The following OSBPL9 variants were observed in gnomAD, a reference collection of about 807,000 sequenced individuals.
OSBPL9 encodes oxysterol binding protein like 9, also known as oxysterol-binding protein-related protein 9.
In OSBPL9, 40 loss-of-function variants were observed where a neutral mutation model predicts 106.6. That is an observed-to-expected ratio of 0.38 (90% CI 0.29 to 0.49). The LOEUF (loss-of-function observed/expected upper bound fraction) is 0.49, where lower values mean the gene tolerates loss of function less well. Among genes scored for constraint, OSBPL9 ranks in the 20% least tolerant of loss-of-function variants. The probability of loss-of-function intolerance (pLI) is 0.97; values close to 1 mark genes in which losing one functional copy is unlikely to be tolerated. For missense variants in OSBPL9, 609 were observed against 887.2 expected (o/e 0.69, Z 3.98); for synonymous variants, 269 against 295.4 (o/e 0.91, Z 0.92).
the OSBPL9 span, among the ~76,000 whole-genome samples, chr1:51,556,313 G>C: frequency 6.6e-6 from 1 of 152,152 alleles, no homozygotes; most frequent in Non-Finnish European, 1.5e-5. Context: ...TTTGCAGTAA[G>C]TTAAATAAAT....
chr1:51,598,405 C>A (rs780967874), intron 2 of OSBPL9, among the ~76,000 whole-genome samples: 33 of 152,202 alleles, frequency 2.2e-4, no homozygotes, highest in Non-Finnish European at 4.4e-5. Context: ...CAGAGTTTTT[C>A]AATATCAGCA....
At position 51,788,764 on chromosome 1, in the gene OSBPL9, A is replaced by AAAAT. The variant is rs929097779; in HGVS notation, c.*977_*980dup. On this transcript the variant is annotated 3_prime_UTR_variant, in exon 24 of 24. Coordinates refer to ENST00000428468, the MANE Select transcript of OSBPL9 (RefSeq NM_024586.6). ...ATAGATCCCCACCCCACAGTGAACA[A>AAAAT]AAATAGATAGATAGATAGAATAAAA... 6.6e-6 allele frequency among the ~76,000 whole-genome samples: 1 copy of AAAAT among 150,926 alleles called. No homozygotes were observed. The highest frequency in any genetic ancestry group is 2.5e-5 in the African/African-American group (1 of 40,608).
upstream of OSBPL9, among the ~76,000 whole-genome samples, chr1:51,572,201 G>A (rs953291309): frequency 6.6e-6 from 1 of 152,152 alleles, no homozygotes; most frequent in African/African-American, 2.4e-5. Context: ...TAGCCAGGAG[G>A]AAGAAGATAG....
At chr1:51,731,185 CAA>C (rs1664312658) in intron 4 of OSBPL9, among the ~76,000 whole-genome samples, 1 of 152,142 alleles carries the variant, frequency 6.6e-6, no homozygotes, top group African/African-American at 2.4e-5. Context: ...ACTGCAATCC[CAA>C]CACTTTGGGA....
the OSBPL9 span, among the ~76,000 whole-genome samples, chr1:51,544,836 G>GTTTTTTT: frequency 6.3e-5 from 8 of 126,714 alleles, no homozygotes; most frequent in African/African-American, 1.5e-4. Flanking sequence ...TAAGAGACAT[G>GTTTTTTT]CTTTTTTTTT....
rs1649340542 is a variant in OSBPL9 at position 51,669,508 on chromosome 1, C to G, written c.237C>G (p.Phe79Leu). Residue 79 changes from phenylalanine to leucine, a missense_variant, in exon 3 of 24, where the codon TTC becomes TTG. Coordinates refer to ENST00000428468, the MANE Select transcript of OSBPL9 (RefSeq NM_024586.6). ...TITVDQKTFH[F>L]QARDADEREK... ...CTGTTGATCAGAAAACCTTCCATTT[C>G]CAGGGTGAGCTGAAAGAAGAGATTC... 6.2e-7 allele frequency: 1 copy of G among 1,613,686 alleles called. No homozygotes were observed. Among genetic ancestry groups the G allele is most frequent in the Non-Finnish European group, 8.5e-7 (1 of 1,179,752 alleles).
intron 4 of OSBPL9, among the ~76,000 whole-genome samples, chr1:51,720,882 C>T (rs1025115884): frequency 2.7e-5 from 4 of 148,976 alleles, no homozygotes; most frequent in Admixed American, 6.8e-5. Context: ...ACTGCAGCCT[C>T]GACCTCCCAG....
At chr1:51,548,081 C>T in the OSBPL9 span, among the ~76,000 whole-genome samples, 18 of 151,846 alleles carry the variant, frequency 1.2e-4, no homozygotes, top group Non-Finnish European at 2.1e-4. Flanking sequence ...ATTAAATATA[C>T]AATCATAATT....
intron 3 of OSBPL9, among the ~76,000 whole-genome samples, chr1:51,697,169 GA>G (rs902977431): frequency 9.8e-5 from 13 of 132,176 alleles, no homozygotes; most frequent in African/African-American, 2.9e-4. Flanking sequence ...CTCAAAAAAA[GA>G]AAAAAAAAAG....
chr1:51,713,962 G>A (rs760558823), intron 3 of OSBPL9, 41 bp from the exon 4 acceptor site: 1 of 1,438,748 alleles, frequency 7.0e-7, no homozygotes, highest in Non-Finnish European at 9.6e-7. Context: ...ATATATTATA[G>A]AATTAAACTT....
chr1:51,694,560 G>A (rs1035304683), intron 3 of OSBPL9, among the ~76,000 whole-genome samples: 1 of 152,150 alleles, frequency 6.6e-6, no homozygotes, highest in Non-Finnish European at 1.5e-5. Context: ...TATTAATGAC[G>A]TTATATGAAA....
chr1:51,690,181 G>A (rs1654661814), intron 3 of OSBPL9, among the ~76,000 whole-genome samples: 1 of 152,138 alleles, frequency 6.6e-6, no homozygotes, highest in South Asian at 2.1e-4. Flanking sequence ...ATTTACTGTA[G>A]GAGCTACATT....
At chr1:51,740,327 AT>A (rs1189629088) in intron 4 of OSBPL9, 89 of 1,230,520 alleles carry the variant, frequency 7.2e-5, no homozygotes, top group Non-Finnish European at 9.0e-5. Flanking sequence ...ATATTCTCAT[AT>A]TTTAATCAAA....
In OSBPL9 at chr1:51,773,730, G is replaced by A. The variant is rs543820261; in HGVS notation, c.1170+1007G>A. 8.5e-5 allele frequency among the ~76,000 whole-genome samples: 13 copies of A among 152,180 alleles called. No individual in the cohort carries two copies. In the East Asian group the frequency reaches 1.7e-3, roughly 20 times the overall value. On this transcript the variant is annotated intron_variant, in intron 14 of 23. Transcript: ENST00000428468. The stretch of plus-strand genomic sequence containing the variant: ...ACTCCTTTTTGTTTTGGATTTAGAG[G>A]GCCATTAAGAAAAAGACTAATTCAT...
At chr1:51,586,666 C>CA (rs1316810683) in intron 1 of OSBPL9, among the ~76,000 whole-genome samples, 1 of 152,190 alleles carries the variant, frequency 6.6e-6, no homozygotes, top group Non-Finnish European at 1.5e-5. Context: ...AGGCTATACT[C>CA]ACAATCCTAC....
the OSBPL9 span, among the ~76,000 whole-genome samples, chr1:51,547,132 C>A: frequency 6.6e-6 from 1 of 152,162 alleles, no homozygotes; most frequent in African/African-American, 2.4e-5. Flanking sequence ...TATGAGCTTG[C>A]AGTTAGACTC....
At chr1:51,670,179 A>T (rs1269335399) in intron 3 of OSBPL9, among the ~76,000 whole-genome samples, 8 of 152,224 alleles carry the variant, frequency 5.3e-5, no homozygotes, top group Admixed American at 3.3e-4. Context: ...AAACCAGCAA[A>T]TAAAAGTCAA....
intron 2 of OSBPL9, among the ~76,000 whole-genome samples, chr1:51,602,601 T>G (rs919556289): frequency 2.8e-5 from 4 of 140,536 alleles, no homozygotes. Flanking sequence ...TAAAAAAAAA[T>G]TTTTTTTTGT....
At chr1:51,707,608 TG>T (rs1397982509) in intron 3 of OSBPL9, 2 of 186,628 alleles carry the variant, frequency 1.1e-5, no homozygotes, top group Non-Finnish European at 2.3e-5. Context: ...AGTGATGGCA[TG>T]GAGTGTGGTT....
Sources: gnomAD v4.1 joint callset for allele counts (sites outside exome capture counted in the v4.1 genomes callset) on GRCh38, gnomAD v4.1.1 for gene constraint, MANE v1.5 for transcripts, NCBI Gene and HGNC (gene_info 2026-07-23, HGNC 2026-07-21) for gene names.